Variants in FAT3 observed in about 807,000 individuals in gnomAD.
FAT3 encodes the protein FAT atypical cadherin 3, also known as protocadherin Fat 3.
In FAT3, 95 loss-of-function variants were observed where a neutral mutation model predicts 310.2. That is an observed-to-expected ratio of 0.31 (90% CI 0.26 to 0.36). The LOEUF is 0.36. Ranked by LOEUF, FAT3 falls within the 10% of genes least tolerant of loss-of-function variation. The probability of loss-of-function intolerance (pLI) is 1.00; values close to 1 mark genes in which losing one functional copy is unlikely to be tolerated. For missense variants in FAT3, 5,408 were observed against 5,715.6 expected, an observed-to-expected ratio of 0.95 and a Z score of 1.74; for synonymous variants, 2,314 against 2,192.9, an observed-to-expected ratio of 1.06 and a Z score of -1.54.
At chr11:92,687,104 G>A (rs1334107391) in intron 3 of FAT3, among the ~76,000 whole-genome samples, 1 of 152,222 alleles carries the variant, frequency 6.6e-6, no homozygotes. Context: ...TAGCACCCCA[G>A]GGCTATTAGG....
rs2136412747 is a variant in FAT3, at chr11:92,883,031, T to C, written c.12575T>C (p.Val4192Ala). ...KNYSRNNITL[V>A]QDPATAALLN... ...TACTCCCGCAACAACATCACGCTAG[T>C]GCAGGACCCGGCCACCGCCGCCCTG... is the stretch of plus-strand genomic sequence containing the variant. The change falls in exon 24 of 28, where the codon GTG (valine) becomes GCG (alanine). Residue 4192 changes from valine to alanine, a missense_variant. Physicochemically the swap from Val to Ala is moderately conservative, Grantham distance 64 (BLOSUM62 0). This residue lies in a region of FAT3 where 649 missense variants were observed against 666.2 expected (regional missense o/e 0.97). Transcript: ENST00000525166. This position sits in a 1 kb window ranked among gnomAD's most constrained non-coding sequence, Gnocchi z 4.2. 2 of 1,613,946 alleles carry C rather than the reference T, an allele frequency of 1.2e-6. No homozygotes were observed. The highest frequency in any genetic ancestry group is 2.2e-5 in the South Asian group (2 of 91,092).
intron 2 of FAT3, among the ~76,000 whole-genome samples, chr11:92,446,487 C>T (rs1951211892): frequency 6.6e-6 from 1 of 151,884 alleles, no homozygotes; most frequent in African/African-American, 2.4e-5. Flanking sequence ...TCTTTTGGTC[C>T]TAATAGCAAG....
intron 9 of FAT3, among the ~76,000 whole-genome samples, chr11:92,795,926 A>C (rs571834412): frequency 6.6e-6 from 1 of 152,090 alleles, no homozygotes; most frequent in Non-Finnish European, 1.5e-5. Flanking sequence ...ACAAAAAATT[A>C]TATTTGAGGT....
chr11:92,331,368 T>G (rs1947919856), intron 1 of FAT3, among the ~76,000 whole-genome samples: 5 of 152,134 alleles, frequency 3.3e-5, no homozygotes, highest in Admixed American at 3.3e-4. Flanking sequence ...ATAAATATTT[T>G]CTCTTCAGGC....
intron 1 of FAT3, among the ~76,000 whole-genome samples, chr11:92,282,149 G>C (rs1946441909): frequency 6.6e-6 from 1 of 151,954 alleles, no homozygotes; most frequent in Admixed American, 6.6e-5. Flanking sequence ...CAGGTGATCT[G>C]CCTGCCTCAG....
intron 22 of FAT3, among the ~76,000 whole-genome samples, chr11:92,869,119 A>T (rs770984018): frequency 1.3e-5 from 2 of 152,162 alleles, no homozygotes; most frequent in Non-Finnish European, 2.9e-5. Flanking sequence ...ATAGCCTCTT[A>T]TCAGTTCAAG....
intron 1 of FAT3, among the ~76,000 whole-genome samples, chr11:92,326,490 G>C (rs1446114061): frequency 6.6e-6 from 1 of 152,198 alleles, no homozygotes; most frequent in East Asian, 1.9e-4. Context: ...GGTAGACAAA[G>C]AAGGAAACAT....
intron 1 of FAT3, among the ~76,000 whole-genome samples, chr11:92,326,953 A>G (rs1472100297): frequency 6.6e-6 from 1 of 152,164 alleles, no homozygotes; most frequent in Non-Finnish European, 1.5e-5. Flanking sequence ...CTGCTTTTTT[A>G]TCCTACTATT....
At chr11:92,405,314 C>T (rs549430691) in intron 2 of FAT3, among the ~76,000 whole-genome samples, 21 of 152,270 alleles carry the variant, frequency 1.4e-4, no homozygotes, top group Admixed American at 4.6e-4. Context: ...CTGGGAGCAT[C>T]CTTACAACAG....
intron 3 of FAT3, among the ~76,000 whole-genome samples, chr11:92,671,018 C>T (rs538935244): frequency 1.4e-3 from 211 of 152,152 alleles, no homozygotes; most frequent in South Asian, 5.2e-3. Context: ...GACACCATCA[C>T]TCCTTGGCTC....
chr11:92,800,715 G>A lies in FAT3; in HGVS notation c.7702G>A (p.Val2568Ile), dbSNP rs764798073. 33 of 1,613,784 alleles carry A rather than the reference G, an allele frequency of 2.0e-5. No homozygotes were observed. Among genetic ancestry groups the A allele is most frequent in the Non-Finnish European group, 2.8e-5 (33 of 1,179,858 alleles). ...CCGGGAAAACCCTCTAGAAGGGGAT[G>A]TTAGTATTTTTGTGAGGGCCCTTGA... is the stretch of plus-strand genomic sequence containing the variant. ...LDRENPLEGD[V>I]SIFVRALDGG... The change falls in exon 10 of 28, where the codon GTT becomes ATT. Residue 2568 changes from valine (V) to isoleucine (I), a missense_variant. Around this residue, in one of 5 missense-constraint regions of FAT3, gnomAD observed 4,588 missense variants for 4,809.8 expected, o/e 0.95. Coordinates refer to ENST00000525166, the MANE Select transcript of FAT3 (RefSeq NM_001367949.2).
At chr11:92,670,843 A>G (rs1943105158) in intron 3 of FAT3, among the ~76,000 whole-genome samples, 1 of 152,184 alleles carries the variant, frequency 6.6e-6, no homozygotes, top group Non-Finnish European at 1.5e-5. Context: ...GCTTATTCAC[A>G]GGCTAGGGGA....
chr11:92,753,798 GTATA>G (rs1555140308), intron 4 of FAT3, among the ~76,000 whole-genome samples: 1 of 119,116 alleles, frequency 8.4e-6, no homozygotes, highest in South Asian at 2.5e-4. Flanking sequence ...GTGTGTGTGT[GTATA>G]TATATATGGT....
chr11:92,645,502 A>AC (rs1942121200), intron 3 of FAT3, among the ~76,000 whole-genome samples: 1 of 151,692 alleles, frequency 6.6e-6, no homozygotes, highest in Non-Finnish European at 1.5e-5. Flanking sequence ...AAAAAAAAAA[A>AC]AACAGGTAAA....
At chr11:92,437,455 T>C (rs142565072) in intron 2 of FAT3, among the ~76,000 whole-genome samples, 158 of 152,322 alleles carry the variant, frequency 1.0e-3, no homozygotes, top group African/African-American at 3.4e-3. Flanking sequence ...TGTCCTCATC[T>C]GTATTAAAGG....
At chr11:92,573,144 G>A (rs654068) in intron 3 of FAT3, among the ~76,000 whole-genome samples, 117,283 of 152,044 alleles carry the variant, frequency 0.77, 46,695 homozygotes, top group Non-Finnish European at 0.88. Flanking sequence ...ACAGCAATGA[G>A]AAAGGATGCC....
At chr11:92,735,164 C>G (rs548734529) in intron 4 of FAT3, among the ~76,000 whole-genome samples, 101 of 152,200 alleles carry the variant, frequency 6.6e-4, no homozygotes, top group African/African-American at 2.4e-3. Flanking sequence ...GAATGACAAG[C>G]CTGATTTTTC....
At chr11:92,689,593 G>A (rs1023143214) in intron 3 of FAT3, among the ~76,000 whole-genome samples, 2 of 152,192 alleles carry the variant, frequency 1.3e-5, no homozygotes, top group Admixed American at 1.3e-4. Context: ...GAACCGGAGG[G>A]CTCTGTGCAG....
At position 92,315,597 on chromosome 11, in the gene FAT3, C is replaced by T. The variant is rs75373517; in HGVS notation, c.-17-36499C>T. ...GGAGTGCAGTGGCACGATATCAGCT[C>T]ATTGCAACCACTGCCTTTTAGGCTC... On this transcript the variant is annotated intron_variant, in intron 1 of 27. Coordinates refer to ENST00000525166, the MANE Select transcript of FAT3 (RefSeq NM_001367949.2). Among the ~76,000 whole-genome samples, 30 of 148,770 alleles carry T rather than the reference C, an allele frequency of 2.0e-4. No homozygotes were observed. The East Asian group carries it at 4.7e-3, about 23-fold the overall frequency.
Sources: gnomAD v4.1 joint callset for allele counts (sites outside exome capture counted in the v4.1 genomes callset) on GRCh38, gnomAD v4.1.1 for gene constraint, gnomAD v4.1.1 regional missense constraint, Gnocchi (gnomAD v3.1) non-coding constraint, MANE v1.5 for transcripts, NCBI Gene and HGNC (gene_info 2026-07-23, HGNC 2026-07-21) for gene names.